The following DGKB variants were observed in gnomAD, a reference collection of about 807,000 sequenced individuals.
DGKB encodes 90 kDa diacylglycerol kinase.
In DGKB, 67 loss-of-function variants were observed where a neutral mutation model predicts 114.3. The ratio of observed to expected loss-of-function variants is 0.59; its 90% CI spans 0.48 to 0.72. The LOEUF is 0.72. Among genes scored for constraint, DGKB ranks in the 30% least tolerant of loss-of-function variants. DGKB has a pLI of 0.00. For synonymous variants in DGKB, 398 were observed against 323.1 expected, an observed-to-expected ratio of 1.23 and a Z score of -2.49; for missense variants, 907 against 975.2, an observed-to-expected ratio of 0.93 and a Z score of 0.93.
intron 13 of DGKB, among the ~76,000 whole-genome samples, chr7:14,654,092 C>G (rs1005587870): frequency 6.6e-6 from 1 of 152,008 alleles, no homozygotes; most frequent in African/African-American, 2.4e-5. Flanking sequence ...AGGATGTCAA[C>G]TTATCCCTCC....
intron 1 of DGKB, among the ~76,000 whole-genome samples, chr7:14,951,530 G>T (rs1388780788): frequency 6.6e-6 from 1 of 152,000 alleles, no homozygotes; most frequent in Non-Finnish European, 1.5e-5. Context: ...AACAATCGAG[G>T]CACAGGAAGT....
chr7:14,299,947 T>TAGC (rs1803233301), intron 23 of DGKB, among the ~76,000 whole-genome samples: 1 of 152,108 alleles, frequency 6.6e-6, no homozygotes, highest in Admixed American at 6.6e-5. Context: ...ACCTTGTATG[T>TAGC]AGCACCATAT....
At chr7:14,731,848 A>T (rs944033272) in intron 5 of DGKB, among the ~76,000 whole-genome samples, 2 of 152,232 alleles carry the variant, frequency 1.3e-5, no homozygotes, top group African/African-American at 4.8e-5. Flanking sequence ...ATTTGCAATG[A>T]CACAGAAGTG....
chr7:14,533,302 G>C (rs548518624), intron 20 of DGKB, among the ~76,000 whole-genome samples: 1 of 151,790 alleles, frequency 6.6e-6, no homozygotes, highest in South Asian at 2.1e-4. Context: ...AATTAATCAG[G>C]TGAATGAATG....
chr7:14,931,572 A>C (rs886446969), intron 1 of DGKB, among the ~76,000 whole-genome samples: 1 of 152,106 alleles, frequency 6.6e-6, no homozygotes, highest in African/African-American at 2.4e-5. Context: ...TGAAGTGACC[A>C]TTGCTGTGCT....
intron 21 of DGKB, among the ~76,000 whole-genome samples, chr7:14,400,766 A>G (rs201993753): frequency 1.3e-4 from 1 of 7,546 alleles, no homozygotes; most frequent in Non-Finnish European, 1.4e-3. Flanking sequence ...AAATTTATTA[A>G]TCCTGAAATG....
chr7:14,334,213 G>A (rs1438370239), intron 23 of DGKB, among the ~76,000 whole-genome samples: 1 of 152,084 alleles, frequency 6.6e-6, no homozygotes, highest in Non-Finnish European at 1.5e-5. Context: ...TGGTTCCCAT[G>A]CACTGTGGTG....
intron 1 of DGKB, among the ~76,000 whole-genome samples, chr7:14,929,498 C>T (rs757427171): frequency 5.9e-5 from 9 of 152,010 alleles, no homozygotes; most frequent in Non-Finnish European, 1.0e-4. Flanking sequence ...TTTTCATATA[C>T]CTGTTGGCCA....
intron 2 of DGKB, among the ~76,000 whole-genome samples, chr7:14,776,290 T>G (rs192617017): frequency 6.6e-6 from 1 of 152,192 alleles, no homozygotes; most frequent in Non-Finnish European, 1.5e-5. Flanking sequence ...ATCCATTTTT[T>G]GGGGAGAAAT....
intron 23 of DGKB, 62 bp from the exon 24 acceptor site, chr7:14,178,213 C>A: frequency 1.3e-6 from 2 of 1,546,142 alleles, no homozygotes; most frequent in South Asian, 1.2e-5. Context: ...AATTTAATGC[C>A]ATTTGATATT....
rs147643504 is a variant in DGKB, at chr7:14,691,275, C to T, written c.711+2800G>A. ...CTTTCAAATACACTGTGGTATTTTA[C>T]ATGCACCATCAATTAGAACCTACTC... On this transcript the variant is annotated intron_variant, in intron 9 of 25. Coordinates refer to ENST00000402815, the MANE Select transcript of DGKB (RefSeq NM_001350709.2). 4.7e-3 allele frequency among the ~76,000 whole-genome samples: 722 copies of T among 152,274 alleles called. 7 individuals are homozygous for T. Among genetic ancestry groups the T allele is most frequent in the Middle Eastern group, 0.037 (11 of 294 alleles).
At chr7:14,403,524 A>T (rs1044758831) in intron 21 of DGKB, among the ~76,000 whole-genome samples, 63 of 4,516 alleles carry the variant, frequency 0.014, no homozygotes, top group African/African-American at 0.016. Flanking sequence ...TTTCCATTTT[A>T]AAAAAAACCC....
chr7:14,621,529 T>A lies in DGKB; in HGVS notation c.1168-35A>T, dbSNP rs746808377. On this transcript the variant is annotated intron_variant, in intron 14 of 25. Coordinates refer to ENST00000402815, the MANE Select transcript of DGKB (RefSeq NM_001350709.2). ...AGAAAATTTTGATAAAAATAAAAAT[T>A]AGGAAAATAACATAATAAAATGTTA... 6.3e-6 allele frequency: 8 copies of A among 1,264,424 alleles called. 1 individual carries two copies. Among genetic ancestry groups the A allele is most frequent in the South Asian group, 2.7e-5 (2 of 74,606 alleles). The allele number at this position is 1,264,424 out of a possible 1,614,324, so 78.3% of individuals were successfully genotyped here.
At chr7:14,645,475 A>G (rs931615005) in intron 13 of DGKB, among the ~76,000 whole-genome samples, 4 of 151,892 alleles carry the variant, frequency 2.6e-5, no homozygotes, top group African/African-American at 9.7e-5. Flanking sequence ...GAACAATGGC[A>G]GCAAAGAGCC....
intron 23 of DGKB, among the ~76,000 whole-genome samples, chr7:14,235,402 G>T (rs1031853124): frequency 1.3e-5 from 2 of 152,058 alleles, no homozygotes; most frequent in Non-Finnish European, 2.9e-5. Context: ...ACAGGCAAAA[G>T]AATTTGATAT....
At chr7:14,521,773 C>T (rs1248166298) in intron 20 of DGKB, among the ~76,000 whole-genome samples, 2 of 152,112 alleles carry the variant, frequency 1.3e-5, no homozygotes, top group Non-Finnish European at 2.9e-5. Context: ...ACTATTTATA[C>T]TGACTGCTTT....
intron 23 of DGKB, among the ~76,000 whole-genome samples, chr7:14,233,776 G>C (rs116433798): frequency 5.5e-4 from 83 of 151,964 alleles, no homozygotes; most frequent in African/African-American, 1.9e-3. Flanking sequence ...GGGAGTGTGT[G>C]GGGGGTGCAA....
intron 13 of DGKB, among the ~76,000 whole-genome samples, chr7:14,669,072 A>G (rs1818524869): frequency 6.6e-6 from 1 of 152,138 alleles, no homozygotes; most frequent in South Asian, 2.1e-4. Flanking sequence ...CCACTTTCCT[A>G]GGTGACACAG....
At chr7:14,364,245 A>G (rs976156856) in intron 21 of DGKB, among the ~76,000 whole-genome samples, 1 of 152,078 alleles carries the variant, frequency 6.6e-6, no homozygotes, top group Non-Finnish European at 1.5e-5. Context: ...AAATACAGAC[A>G]TAGCAATGAA....
Sources: allele counts gnomAD v4.1 joint callset (sites outside exome capture counted in the v4.1 genomes callset), GRCh38; gene constraint gnomAD v4.1.1; transcripts MANE v1.5; gene names NCBI Gene and HGNC (gene_info 2026-07-23, HGNC 2026-07-21).